Variants in WDR19 observed in about 807,000 individuals in gnomAD.
WDR19 encodes the protein WD repeat domain 19.
In WDR19, 121 loss-of-function variants were observed where a neutral mutation model predicts 180.0. That is an observed-to-expected ratio of 0.67 (90% confidence interval 0.58 to 0.78). The LOEUF is 0.78. Ranked by LOEUF, WDR19 falls within the 30% of genes least tolerant of loss-of-function variation. The pLI is 0.00. For synonymous variants in WDR19, 497 were observed against 540.7 expected (o/e 0.92, Z 1.12); for missense variants, 1,450 against 1,640.7 (o/e 0.88, Z 2.01).
At chr4:39,266,235 GA>G (rs1273256492) in intron 29 of WDR19, 95 bp downstream of exon 29, 21 of 1,190,592 alleles carry the variant, frequency 1.8e-5, no homozygotes, top group Non-Finnish European at 2.4e-5. Flanking sequence ...ACATAGACAT[GA>G]AAAATTTTCT....
chr4:39,265,455 A>G (rs1049760273), intron 28 of WDR19, among the ~76,000 whole-genome samples: 5 of 152,040 alleles, frequency 3.3e-5, no homozygotes, highest in African/African-American at 9.7e-5. Flanking sequence ...TCAAGGTGTC[A>G]TAGTCATTTA....
In WDR19 at chr4:39,205,708, A is replaced by C. The variant is rs1727879336; in HGVS notation, c.862A>C (p.Asn288His). Residue 288 changes from asparagine (N) to histidine (H), a missense_variant, in exon 9 of 37, where the codon AAC becomes CAC. Coordinates refer to ENST00000399820, the MANE Select transcript of WDR19 (RefSeq NM_025132.4). ...LTSIAVSQTL[N>H]KVATCGDNCI... Reference sequence around the variant, plus strand: ...CAGCATTGCAGTATCACAGACTCTTAACAAAGTTGCTACATGTGGAGATAA... The same window carrying C: ...CAGCATTGCAGTATCACAGACTCTTCACAAAGTTGCTACATGTGGAGATAA... 2 of 1,607,434 alleles carry C rather than the reference A, an allele frequency of 1.2e-6. No homozygotes were observed. Among genetic ancestry groups the C allele is most frequent in the East Asian group, 4.5e-5 (2 of 44,774 alleles).
At chr4:39,231,224 T>TA (rs1560517352) in intron 17 of WDR19, among the ~76,000 whole-genome samples, 1 of 147,860 alleles carries the variant, frequency 6.8e-6, no homozygotes, top group Non-Finnish European at 1.5e-5. Context: ...AGCAGGAGAA[T>TA]AACTTGAACC....
intron 24 of WDR19, among the ~76,000 whole-genome samples, chr4:39,250,067 C>T (rs1732987337): frequency 6.6e-6 from 1 of 152,132 alleles, no homozygotes; most frequent in South Asian, 2.1e-4. Flanking sequence ...GACCAATATC[C>T]TTGATGAACA....
At chr4:39,208,385 C>T (rs1728171647) in intron 9 of WDR19, among the ~76,000 whole-genome samples, 1 of 146,626 alleles carries the variant, frequency 6.8e-6, no homozygotes, top group East Asian at 2.1e-4. Context: ...TGGCTCACTG[C>T]AACCTCCGCC....
chr4:39,220,261 CA>C (rs1729522545), intron 14 of WDR19, among the ~76,000 whole-genome samples: 1 of 151,998 alleles, frequency 6.6e-6, no homozygotes, highest in Admixed American at 6.6e-5. Flanking sequence ...ACAATAACAA[CA>C]AACAAAAAGT....
intron 33 of WDR19, among the ~76,000 whole-genome samples, chr4:39,276,063 G>A (rs1361134926): frequency 6.6e-6 from 1 of 152,166 alleles, no homozygotes; most frequent in African/African-American, 2.4e-5. Flanking sequence ...TTTCAGAAGT[G>A]ATGACATGTG....
At chr4:39,280,275 T>C (rs942741869) in intron 36 of WDR19, among the ~76,000 whole-genome samples, 1 of 152,136 alleles carries the variant, frequency 6.6e-6, no homozygotes, top group African/African-American at 2.4e-5. Flanking sequence ...GTAGCATCTT[T>C]GATGCACAAG....
At chr4:39,195,376 A>AAC (rs1225765437) in intron 5 of WDR19, among the ~76,000 whole-genome samples, 4 of 131,650 alleles carry the variant, frequency 3.0e-5, no homozygotes, top group Non-Finnish European at 4.9e-5. Context: ...CAAAAAAAAA[A>AAC]AACAAAAAAA....
chr4:39,285,497 C>T lies in WDR19; in HGVS notation c.*24C>T, dbSNP rs1465539623. On this transcript the variant is annotated 3_prime_UTR_variant, in exon 37 of 37. Coordinates refer to ENST00000399820, the MANE Select transcript of WDR19 (RefSeq NM_025132.4). The stretch of plus-strand genomic sequence containing the variant: ...GTTTGTCCTTTCTAGATACAATGCT[C>T]CTGAGAAGACAGCATTTTCCACAGG... 1.3e-5 allele frequency: 2 copies of T among 152,134 alleles called. No individual in the cohort carries two copies. The highest frequency in any genetic ancestry group is 2.1e-4 in the South Asian group (1 of 4,828). The allele number at this position is 152,134 out of a possible 1,614,324, so 9.4% of individuals were successfully genotyped here.
rs1735188366 is a variant in WDR19, at chr4:39,270,004, C to G, written c.3387C>G (p.Leu1129=). ...ACTACCGGAATGCACACGATGTTCTCTTCAGTATGTATGCAGAACTGAAAT... is the reference window on the plus strand; with the variant it reads ...ACTACCGGAATGCACACGATGTTCTGTTCAGTATGTATGCAGAACTGAAAT... ...AGNYRNAHDV[L]FSMYAELKSQ... is the part of the protein sequence containing the mutation. The change falls in exon 31 of 37, where the codon CTC becomes CTG. Residue 1129 remains leucine (L), a synonymous_variant. Transcript: ENST00000399820. The G allele has an allele frequency of 6.2e-7, 1 of 1,613,766 alleles. No individual in the cohort carries two copies. The highest frequency in any genetic ancestry group is 1.3e-5 in the African/African-American group (1 of 74,888).
At chr4:39,251,046 G>A (rs1370856821) in intron 24 of WDR19, among the ~76,000 whole-genome samples, 3 of 151,998 alleles carry the variant, frequency 2.0e-5, no homozygotes, top group South Asian at 2.1e-4. Flanking sequence ...AGCTTGCATC[G>A]CCAAGTCAAT....
At chr4:39,243,579 A>G (rs1346046692) in intron 21 of WDR19, among the ~76,000 whole-genome samples, 1 of 152,238 alleles carries the variant, frequency 6.6e-6, no homozygotes, top group Admixed American at 6.5e-5. Context: ...TACAGTAAGC[A>G]CTAGCCACAT....
At chr4:39,253,333 AC>A in intron 25 of WDR19, 41 bp downstream of exon 25, 2 of 1,568,936 alleles carry the variant, frequency 1.3e-6, no homozygotes, top group Non-Finnish European at 1.7e-6. Flanking sequence ...TCAAAAACTA[AC>A]CATAAAAGTA....
At chr4:39,231,284 C>G (rs1351936888) in intron 17 of WDR19, among the ~76,000 whole-genome samples, 1 of 144,556 alleles carries the variant, frequency 6.9e-6, no homozygotes, top group Non-Finnish European at 1.5e-5. Context: ...GCACTCCACC[C>G]ACCCTGGGCA....
chr4:39,195,518 A>G (rs1168838752), intron 5 of WDR19, among the ~76,000 whole-genome samples: 1 of 152,118 alleles, frequency 6.6e-6, no homozygotes, highest in Non-Finnish European at 1.5e-5. Context: ...ATATGCAGCC[A>G]GAGGGTGTTT....
intron 20 of WDR19, 45 bp downstream of exon 20, chr4:39,234,920 C>A: frequency 8.6e-6 from 10 of 1,168,882 alleles, no homozygotes; most frequent in Non-Finnish European, 1.2e-5. Context: ...CTAATGACTG[C>A]AAATATCTTC....
chr4:39,203,720 A>G lies in WDR19; in HGVS notation c.601A>G (p.Met201Val), dbSNP rs1321065360. The G allele has an allele frequency of 1.9e-6, 3 of 1,609,926 alleles. No homozygotes were observed. The highest frequency in any genetic ancestry group is 2.5e-6 in the Non-Finnish European group (3 of 1,177,938). ...TGACCGAACCTCTGCTGCTGAAAGC[A>G]TGGTAAGAATTCTAATCAAATCCAC... is the stretch of plus-strand genomic sequence containing the variant. ...MDDRTSAAES[M>V]ISVVLGKKTL... The change falls in exon 7 of 37, where the codon ATG (methionine) becomes GTG (valine). Residue 201 changes from methionine (M) to valine (V), a missense_variant and splice_region_variant. Coordinates refer to ENST00000399820, the MANE Select transcript of WDR19 (RefSeq NM_025132.4).
At chr4:39,278,107 A>T in intron 34 of WDR19, 24 bp from the exon 35 acceptor site, 2 of 1,570,580 alleles carry the variant, frequency 1.3e-6, no homozygotes, top group Non-Finnish European at 1.7e-6. Context: ...AGATGAATTT[A>T]ACTCTTAAAC....
Sources: gnomAD v4.1 joint callset for allele counts (sites outside exome capture counted in the v4.1 genomes callset) on GRCh38, gnomAD v4.1.1 for gene constraint, MANE v1.5 for transcripts, NCBI Gene and HGNC (gene_info 2026-07-23, HGNC 2026-07-21) for gene names.